KCNQ3: variants seen among roughly 807,000 people sequenced by gnomAD.
KCNQ3 encodes the protein potassium voltage-gated channel subfamily KQT member 3.
A neutral mutation model predicts 92.5 loss-of-function variants in KCNQ3; 30 were observed. The observed-to-expected ratio is 0.32, with a 90% confidence interval of 0.24 to 0.44. The LOEUF is 0.44. Among genes scored for constraint, KCNQ3 ranks in the 20% least tolerant of loss-of-function variants. The probability of loss-of-function intolerance (pLI) is 1.00; values close to 1 mark genes in which losing one functional copy is unlikely to be tolerated. For missense variants in KCNQ3, 913 were observed against 1,140.3 expected, an observed-to-expected ratio of 0.80 and a Z score of 2.87; for synonymous variants, 450 against 468.8, an observed-to-expected ratio of 0.96 and a Z score of 0.52.
chr8:132,160,171 T>A (rs1825940936), intron 9 of KCNQ3, among the ~76,000 whole-genome samples: 1 of 152,152 alleles, frequency 6.6e-6, no homozygotes, highest in East Asian at 1.9e-4. Context: ...AAATGTGAGA[T>A]AAGACCTTCT....
At chr8:132,311,946 T>A (rs1345521846) in intron 1 of KCNQ3, among the ~76,000 whole-genome samples, 2 of 146,640 alleles carry the variant, frequency 1.4e-5, no homozygotes, top group African/African-American at 5.0e-5. Flanking sequence ...ATCCAGTGAC[T>A]GATATCGTTA....
Position 132,480,574 on chromosome 8 carries a change from C to G in KCNQ3, c.-42G>C. ...GGCCGCTTCGCCTTCTCCGCTGCTG[C>G]TCTGGGAAGAAGGGGCGCTCGGGGT... is the stretch of plus-strand genomic sequence containing the variant. On this transcript the variant is annotated 5_prime_UTR_variant, in exon 1 of 15. Coordinates refer to ENST00000388996, the MANE Select transcript of KCNQ3 (RefSeq NM_004519.4). 1 of 1,256,430 alleles carries G rather than the reference C, an allele frequency of 8.0e-7. No individual in the cohort carries two copies. Among genetic ancestry groups the G allele is most frequent in the South Asian group, 1.5e-5 (1 of 65,488 alleles). The allele number at this position is 1,256,430 out of a possible 1,614,324, so 77.8% of individuals were successfully genotyped here.
intron 1 of KCNQ3, among the ~76,000 whole-genome samples, chr8:132,234,601 C>T (rs1814751240): frequency 1.3e-5 from 2 of 152,068 alleles, no homozygotes; most frequent in Admixed American, 6.6e-5. Context: ...CTGTGGTAGA[C>T]ACCTATGCAT....
intron 1 of KCNQ3, among the ~76,000 whole-genome samples, chr8:132,402,332 G>A (rs10956660): frequency 1.3e-5 from 2 of 152,152 alleles, no homozygotes; most frequent in East Asian, 1.9e-4. Context: ...CAAAGAACTT[G>A]CTCGGCTTCT....
At chr8:132,149,588 G>T (rs1053143591) in intron 9 of KCNQ3, among the ~76,000 whole-genome samples, 1 of 152,150 alleles carries the variant, frequency 6.6e-6, no homozygotes, top group African/African-American at 2.4e-5. Context: ...TGGTTCTATG[G>T]CATTTATCTT....
intron 1 of KCNQ3, among the ~76,000 whole-genome samples, chr8:132,319,451 T>C (rs1817838669): frequency 6.6e-6 from 1 of 152,172 alleles, no homozygotes; most frequent in Admixed American, 6.5e-5. Flanking sequence ...TCAATACTTA[T>C]TTGTTAAGTG....
chr8:132,188,375 T>C (rs994715863), intron 1 of KCNQ3, among the ~76,000 whole-genome samples: 4 of 152,220 alleles, frequency 2.6e-5, no homozygotes, highest in Admixed American at 2.6e-4. Flanking sequence ...ATTCTGCAAG[T>C]CCACATTATG....
chr8:132,395,189 A>G (rs577379508), intron 1 of KCNQ3, among the ~76,000 whole-genome samples: 2 of 152,356 alleles, frequency 1.3e-5, no homozygotes, highest in Admixed American at 1.3e-4. Context: ...TGATGCTTCG[A>G]TATGTATAAT....
At chr8:132,380,455 A>T (rs1278692651) in intron 1 of KCNQ3, among the ~76,000 whole-genome samples, 1 of 152,182 alleles carries the variant, frequency 6.6e-6, no homozygotes, top group African/African-American at 2.4e-5. Context: ...CGGATGAAGA[A>T]GTGCTAATTA....
At chr8:132,428,549 A>G (rs1403155919) in intron 1 of KCNQ3, among the ~76,000 whole-genome samples, 1 of 152,210 alleles carries the variant, frequency 6.6e-6, no homozygotes, top group African/African-American at 2.4e-5. Flanking sequence ...ATACACACAC[A>G]TACAGAGAGA....
intron 1 of KCNQ3, among the ~76,000 whole-genome samples, chr8:132,371,391 T>C (rs1382715819): frequency 6.6e-6 from 1 of 152,210 alleles, no homozygotes; most frequent in East Asian, 1.9e-4. Context: ...ACTTAATAAT[T>C]GCTCTAAATG....
chr8:132,295,861 C>A (rs2130568399), intron 1 of KCNQ3, among the ~76,000 whole-genome samples: 1 of 152,034 alleles, frequency 6.6e-6, no homozygotes, highest in South Asian at 2.1e-4. Flanking sequence ...GGGAGGGGAA[C>A]AACATGCATC....
intron 1 of KCNQ3, among the ~76,000 whole-genome samples, chr8:132,291,527 C>T (rs796761446): frequency 6.6e-5 from 10 of 152,312 alleles, no homozygotes; most frequent in African/African-American, 2.4e-4. Context: ...TGCTAGACTT[C>T]TTGGACATAT....
At chr8:132,145,413 G>A (rs540627632) in intron 9 of KCNQ3, among the ~76,000 whole-genome samples, 117 of 151,714 alleles carry the variant, frequency 7.7e-4, no homozygotes, top group African/African-American at 2.8e-3. Context: ...TTTGAAGTAA[G>A]AGAACTGAGT....
At chr8:132,298,286 A>T (rs1054469316) in intron 1 of KCNQ3, among the ~76,000 whole-genome samples, 10 of 152,232 alleles carry the variant, frequency 6.6e-5, no homozygotes, top group Non-Finnish European at 2.9e-5. Context: ...AACATCCTAC[A>T]CAAATAAACA....
intron 1 of KCNQ3, among the ~76,000 whole-genome samples, chr8:132,263,564 A>C (rs971171557): frequency 2.0e-5 from 3 of 152,258 alleles, no homozygotes; most frequent in Non-Finnish European, 4.4e-5. Context: ...AGTCCACCTA[A>C]GCAGACTCTA....
intron 3 of KCNQ3, among the ~76,000 whole-genome samples, chr8:132,182,862 T>G (rs901908622): frequency 6.7e-6 from 1 of 149,032 alleles, no homozygotes; most frequent in Admixed American, 6.7e-5. Flanking sequence ...AAAAAATCAT[T>G]AAAAAAGTCC....
chr8:132,360,436 C>T (rs1025502127), intron 1 of KCNQ3, among the ~76,000 whole-genome samples: 6 of 152,278 alleles, frequency 3.9e-5, no homozygotes, highest in Non-Finnish European at 5.9e-5. Context: ...TCATGGGGGC[C>T]GAGGCTTCAT....
At chr8:132,278,805 G>A (rs1168613431) in intron 1 of KCNQ3, among the ~76,000 whole-genome samples, 2 of 152,178 alleles carry the variant, frequency 1.3e-5, no homozygotes, top group African/African-American at 4.8e-5. Context: ...GCTCTAATTA[G>A]CCCCTCCTTA....
Sources: allele counts gnomAD v4.1 joint callset (sites outside exome capture counted in the v4.1 genomes callset), GRCh38; gene constraint gnomAD v4.1.1; transcripts MANE v1.5; gene names NCBI Gene and HGNC (gene_info 2026-07-23, HGNC 2026-07-21).